Variants in ETFA observed in about 807,000 individuals in gnomAD.
ETFA encodes electron transfer flavoprotein subunit alpha.
ETFA carries 22 observed loss-of-function variants against 46.2 expected under a neutral mutation model. The observed-to-expected ratio is 0.48, with a 90% CI of 0.34 to 0.68. ETFA has a LOEUF of 0.68. Among genes scored for constraint, ETFA ranks in the 30% least tolerant of loss-of-function variants. The pLI, the probability that ETFA is intolerant of heterozygous loss-of-function variation, is 0.01. For missense variants in ETFA, 345 were observed against 401.1 expected (o/e 0.86, Z 1.19); for synonymous variants, 131 against 139.9 (o/e 0.94, Z 0.45).
chr15:76,286,926 G>A (rs2039709966), intron 5 of ETFA, among the ~76,000 whole-genome samples: 1 of 152,202 alleles, frequency 6.6e-6, no homozygotes, highest in African/African-American at 2.4e-5. Context: ...AATGTGCTAA[G>A]ATTTTAAGAG....
chr15:76,289,811 G>T (rs1470781445), intron 4 of ETFA, among the ~76,000 whole-genome samples: 3 of 152,124 alleles, frequency 2.0e-5, no homozygotes, highest in Non-Finnish European at 4.4e-5. Flanking sequence ...CAGGCCGCAC[G>T]ACCAGCTACT....
At chr15:76,281,206 C>T (rs1417669317) in intron 8 of ETFA, among the ~76,000 whole-genome samples, 9 of 151,850 alleles carry the variant, frequency 5.9e-5, no homozygotes, top group Admixed American at 1.3e-4. Context: ...GGTTTCACCA[C>T]GTGGGCCAGA....
chr15:76,261,028 C>T (rs1274137279), intron 9 of ETFA: 14 of 1,603,728 alleles, frequency 8.7e-6, no homozygotes, highest in Non-Finnish European at 1.2e-5. Context: ...TTGAAGGGGA[C>T]TGCAGGCAGT....
At chr15:76,253,047 G>A (rs2039315596) in intron 9 of ETFA, among the ~76,000 whole-genome samples, 1 of 151,958 alleles carries the variant, frequency 6.6e-6, no homozygotes, top group Non-Finnish European at 1.5e-5. Flanking sequence ...CTGAATAGCC[G>A]GGACTACAGA....
chr15:76,220,327 C>A (rs533095767), intron 11 of ETFA, among the ~76,000 whole-genome samples: 2 of 152,210 alleles, frequency 1.3e-5, no homozygotes, highest in Non-Finnish European at 2.9e-5. Context: ...CTTGGCCTCC[C>A]AGTGCTGGGA....
At chr15:76,231,463 G>A in intron 9 of ETFA, 65 bp from the exon 10 acceptor site, 1 of 1,051,258 alleles carries the variant, frequency 9.5e-7, no homozygotes, top group South Asian at 1.6e-5. Context: ...CAAAGTGTTT[G>A]CTGTTAGCAA....
In ETFA at chr15:76,295,753, A is replaced by T. The variant is rs1402206099; in HGVS notation, c.40-16T>A. The T allele has an allele frequency of 6.2e-7, 1 of 1,608,588 alleles. No homozygotes were observed. Among genetic ancestry groups the T allele is most frequent in the Non-Finnish European group, 8.5e-7 (1 of 1,176,982 alleles). On this transcript the variant is annotated splice_polypyrimidine_tract_variant and intron_variant, in intron 1 of 11. Transcript: ENST00000557943. Reference sequence around the variant, plus strand: ...GCAATGAGGCCTAAAAAGAGCAAAAAGGAAAAAAAAAGGTAAAGAATGTTG... The same window carrying T: ...GCAATGAGGCCTAAAAAGAGCAAAATGGAAAAAAAAAGGTAAAGAATGTTG...
intron 9 of ETFA, among the ~76,000 whole-genome samples, chr15:76,265,078 C>G (rs187020643): frequency 6.6e-6 from 1 of 152,198 alleles, no homozygotes; most frequent in African/African-American, 2.4e-5. Flanking sequence ...AGCTGTCCCC[C>G]GCCACAGCAG....
intron 1 of ETFA, among the ~76,000 whole-genome samples, chr15:76,300,013 A>G (rs2039864511): frequency 6.6e-6 from 1 of 152,028 alleles, no homozygotes; most frequent in Non-Finnish European, 1.5e-5. Context: ...TCCCTCCTCA[A>G]TTACTTGCAT....
chr15:76,219,591 G>A (rs1257709834), intron 11 of ETFA, among the ~76,000 whole-genome samples: 1 of 152,204 alleles, frequency 6.6e-6, no homozygotes, highest in African/African-American at 2.4e-5. Flanking sequence ...TAAGTGTTTA[G>A]TATCCAGAAT....
chr15:76,279,112 T>G (rs902232481), intron 8 of ETFA, among the ~76,000 whole-genome samples: 8 of 152,214 alleles, frequency 5.3e-5, no homozygotes, highest in African/African-American at 1.9e-4. Flanking sequence ...TATAGCAAAA[T>G]CCCTCAAAAA....
rs148102749 is a variant in ETFA at position 76,236,722 on chromosome 15, G to T, written c.817-5324C>A. ...CCAATATAGAGAGTCACAAATAGAT[G>T]ACAAAAATCTATCAAATTTCAGGTG... On this transcript the variant is annotated intron_variant, in intron 9 of 11. Coordinates refer to ENST00000557943, the MANE Select transcript of ETFA (RefSeq NM_000126.4). Among the ~76,000 whole-genome samples the T allele has an allele frequency of 6.6e-5, 10 of 152,234 alleles. No individual in the cohort carries two copies. The East Asian group carries it at 1.9e-3, about 29-fold the overall frequency.
intron 9 of ETFA, chr15:76,261,174 C>T (rs1410894088): frequency 9.1e-6 from 14 of 1,534,332 alleles, no homozygotes; most frequent in East Asian, 4.6e-5. Context: ...CCCCGATCTT[C>T]GTAGTTCCTC....
At chr15:76,216,909 A>G (rs1567192904) in intron 11 of ETFA, among the ~76,000 whole-genome samples, 1 of 138,422 alleles carries the variant, frequency 7.2e-6, no homozygotes, top group Non-Finnish European at 1.5e-5. Context: ...GCAGTGGTAC[A>G]ATTATGGCTC....
intron 10 of ETFA, chr15:76,226,369 G>A: frequency 5.6e-6 from 1 of 179,534 alleles, no homozygotes; most frequent in Non-Finnish European, 1.2e-5. Context: ...TGAATCACCT[G>A]AGGTCAGGAG....
chr15:76,224,681 T>C (rs943042568), intron 11 of ETFA, among the ~76,000 whole-genome samples: 4 of 152,324 alleles, frequency 2.6e-5, no homozygotes, highest in South Asian at 4.1e-4. Flanking sequence ...CTAAGGCCCA[T>C]AGCCCCTCGC....
chr15:76,287,484 T>C (rs2039714433), intron 5 of ETFA, among the ~76,000 whole-genome samples: 1 of 152,212 alleles, frequency 6.6e-6, no homozygotes, highest in Admixed American at 6.5e-5. Flanking sequence ...AATTTCTTAA[T>C]GCCTATGGAA....
intron 9 of ETFA, among the ~76,000 whole-genome samples, chr15:76,254,764 A>G (rs1054940304): frequency 2.2e-4 from 34 of 152,170 alleles, no homozygotes; most frequent in Non-Finnish European, 2.9e-5. Flanking sequence ...AAAGTTTTTA[A>G]GGTAGTTGAT....
intron 4 of ETFA, among the ~76,000 whole-genome samples, chr15:76,291,304 G>A (rs2039759203): frequency 6.6e-6 from 1 of 152,044 alleles, no homozygotes; most frequent in South Asian, 2.1e-4. Flanking sequence ...TTAGCCAGGT[G>A]TGGTGGCACG....
Sources: allele counts gnomAD v4.1 joint callset (sites outside exome capture counted in the v4.1 genomes callset), GRCh38; gene constraint gnomAD v4.1.1; transcripts MANE v1.5; gene names NCBI Gene and HGNC (gene_info 2026-07-23, HGNC 2026-07-21).